AMY2A: variants seen among roughly 807,000 people sequenced by gnomAD.
The protein encoded by AMY2A is pancreatic alpha-amylase.
Under a neutral mutation model 43.0 loss-of-function variants are expected in AMY2A, and 16 were observed. The observed-to-expected ratio is 0.37, with a 90% CI of 0.25 to 0.56. AMY2A has a LOEUF of 0.56. AMY2A is among the 20% of genes least tolerant of loss of function. The pLI is 0.77. For synonymous variants in AMY2A, 70 were observed against 144.6 expected (o/e 0.48, Z 3.70); for missense variants, 212 against 456.8 (o/e 0.46, Z 4.89).
rs1653159670 is a variant in AMY2A at position 103,619,049 on chromosome 1, A to C, written c.454A>C (p.Asn152His). Reference sequence around the variant, plus strand: ...AGTCCCATATTCTGGATGGGATTTCAATGATGGTAAATGTAAAACTGGAAG... The same window carrying C: ...AGTCCCATATTCTGGATGGGATTTCCATGATGGTAAATGTAAAACTGGAAG... Reference protein sequence around the residue: ...PAVPYSGWDFNDGKCKTGSGD... With the variant: ...PAVPYSGWDFHDGKCKTGSGD... Residue 152 changes from asparagine (N) to histidine (H), a missense_variant, in exon 3 of 10, where the codon AAT becomes CAT. Transcript: ENST00000414303. 7.8e-7 allele frequency: 1 copy of C among 1,289,084 alleles called. No homozygotes were observed. The highest frequency in any genetic ancestry group is 1.0e-6 in the Non-Finnish European group (1 of 955,520). 79.9% of individuals were successfully genotyped at this position (1,289,084 alleles called of 1,614,324 possible).
chr1:103,617,993 T>G lies in AMY2A; in HGVS notation c.208T>G (p.Phe70Val). 2 of 1,600,692 alleles carry G rather than the reference T, an allele frequency of 1.2e-6. No individual in the cohort carries two copies. The highest frequency in any genetic ancestry group is 1.7e-6 in the Non-Finnish European group (2 of 1,170,730). ...TGAAAATGTTGCAATTTACAACCCT[T>G]TCAGACCTTGGTGGGAAAGATACCA... is the stretch of plus-strand genomic sequence containing the variant. ...PNENVAIYNP[F>V]RPWWERYQPV... is the part of the protein sequence containing the mutation. Residue 70 changes from phenylalanine (F) to valine (V), a missense_variant, in exon 2 of 10, where the codon TTC becomes GTC. This residue lies in a region of AMY2A where 199 missense variants were observed against 210.6 expected (regional missense o/e 0.94). Transcript: ENST00000414303.
intron 1 of AMY2A, 59 bp from the exon 2 acceptor site, chr1:103,617,895 C>T (rs1484949226): frequency 6.3e-7 from 1 of 1,596,442 alleles, no homozygotes; most frequent in Non-Finnish European, 8.6e-7. Flanking sequence ...GTTTCTAGAA[C>T]ATTCAATGAT....
upstream of AMY2A, chr1:103,617,042 G>A: frequency 3.0e-6 from 3 of 1,012,004 alleles, no homozygotes; most frequent in South Asian, 2.7e-5. Context: ...GAGTTGGAAG[G>A]GGTTCGCATT....
At chr1:103,619,381 GA>G (rs1653170138) in intron 3 of AMY2A, among the ~76,000 whole-genome samples, 172 bp from the exon 4 acceptor site, 1 of 150,280 alleles carries the variant, frequency 6.7e-6, no homozygotes, top group Admixed American at 6.6e-5. Flanking sequence ...TTTTCTATTA[GA>G]AAATATTTCA....
chr1:103,619,192 A>C, intron 3 of AMY2A, 84 bp downstream of exon 3: 1 of 589,998 alleles, frequency 1.7e-6, no homozygotes, highest in Non-Finnish European at 2.9e-6. Context: ...ATTTCATTTA[A>C]AATAGGAATT....
At chr1:103,617,038 G>A, upstream of AMY2A, 1 of 1,018,826 alleles carries the variant, frequency 9.8e-7, no homozygotes, top group Non-Finnish European at 1.2e-6. Flanking sequence ...CCTTGAGTTG[G>A]AAGGGGTTCG....
upstream of AMY2A, chr1:103,617,319 C>T (rs1185657016): frequency 2.0e-6 from 3 of 1,522,636 alleles, no homozygotes; most frequent in Non-Finnish European, 2.7e-6. Context: ...TAATCCTTTT[C>T]AGATTATGAA....
At chr1:103,616,926 T>A, upstream of AMY2A, 3 of 968,048 alleles carry the variant, frequency 3.1e-6, no homozygotes, top group Non-Finnish European at 3.8e-6. Context: ...GACCACTTGT[T>A]TCTGTCCTGT....
At position 103,623,474 on chromosome 1, in the gene AMY2A, T is replaced by G. The variant is rs309658; in HGVS notation, c.1102-392T>G. On this transcript the variant is annotated intron_variant, in intron 7 of 9. Coordinates refer to ENST00000414303, the MANE Select transcript of AMY2A (RefSeq NM_000699.4). ...TGAAAATTTTTTAAAAATTAGCTGG[T>G]TGCGGTGGTGCACACCAACAGTCTT... Among the ~76,000 whole-genome samples, 96 of 79,134 alleles carry G rather than the reference T, an allele frequency of 1.2e-3. 19 individuals are homozygous for G. The East Asian group carries it at 0.017, about 14-fold the overall frequency. 51.9% of individuals were successfully genotyped at this position (79,134 alleles called of 152,430 possible).
intron 2 of AMY2A, among the ~76,000 whole-genome samples, 185 bp from the exon 3 acceptor site, chr1:103,618,726 G>GACCAA (rs1346881088): frequency 5.0e-4 from 75 of 150,696 alleles, no homozygotes; most frequent in African/African-American, 1.7e-3. Flanking sequence ...GTGTCTAGAA[G>GACCAA]GCATGTAGGT....
Position 103,618,924 on chromosome 1 carries a change from T to G in AMY2A, c.329T>G (p.Val110Gly). ...TTTGTTTTCTAGGTTCGTATTTATG[T>G]GGATGCTGTAATTAATCATATGTGT... is the stretch of plus-strand genomic sequence containing the variant. ...RCNNVGVRIY[V>G]DAVINHMCGN... Residue 110 changes from valine (V) to glycine (G), a missense_variant, in exon 3 of 10, where the codon GTG becomes GGG. Physicochemically the swap from Val to Gly is moderately radical, Grantham distance 109. Coordinates refer to ENST00000414303, the MANE Select transcript of AMY2A (RefSeq NM_000699.4). 1 of 1,294,928 alleles carries G rather than the reference T, an allele frequency of 7.7e-7. No individual in the cohort carries two copies. Among genetic ancestry groups the G allele is most frequent in the Non-Finnish European group, 1.1e-6 (1 of 950,652 alleles). The allele number at this position is 1,294,928 out of a possible 1,614,324, so 80.2% of individuals were successfully genotyped here.
chr1:103,617,270 G>C, upstream of AMY2A: 1 of 1,353,840 alleles, frequency 7.4e-7, no homozygotes, highest in Non-Finnish European at 1.0e-6. Context: ...TTCCATGAGA[G>C]ACTTTTTGAT....
upstream of AMY2A, chr1:103,616,762 C>G (rs148784712): frequency 1.3e-5 from 2 of 155,658 alleles, no homozygotes; most frequent in Non-Finnish European, 2.8e-5. Context: ...CTTTACTACA[C>G]GTGGCTTGGT....
chr1:103,618,224 A>T, intron 2 of AMY2A, 124 bp downstream of exon 2: 1 of 1,410,854 alleles, frequency 7.1e-7, no homozygotes. Flanking sequence ...TTCATAATTT[A>T]AAACTCAAAA....
At chr1:103,618,841 C>T (rs1392166986) in intron 2 of AMY2A, 70 bp from the exon 3 acceptor site, 7 of 614,962 alleles carry the variant, frequency 1.1e-5, no homozygotes, top group African/African-American at 1.9e-5. Context: ...ATACTATAAA[C>T]TTGCATCAAT....
intron 1 of AMY2A, 123 bp downstream of exon 1, chr1:103,617,731 A>G (rs1431897726): frequency 1.3e-6 from 2 of 1,560,030 alleles, no homozygotes; most frequent in Admixed American, 3.7e-5. Flanking sequence ...AGTAAAAGAG[A>G]TTTCTGAGGG....
At position 103,617,457 on chromosome 1, in the gene AMY2A, T is replaced by A. The variant is rs1220689229; in HGVS notation, c.17T>A (p.Leu6Ter). MKFFL[L>*]LFTIGFCWAQ... is the part of the protein sequence containing the mutation. ...CAAAGCAAAATGAAGTTCTTTCTGT[T>A]GCTTTTCACCATTGGGTTCTGCTGG... The change falls in exon 1 of 10, where the codon TTG (leucine) becomes TAG (stop). Residue 6 changes from leucine (L) to a stop codon, truncating the protein, a stop_gained. Coordinates refer to ENST00000414303, the MANE Select transcript of AMY2A (RefSeq NM_000699.4). LOFTEE classifies it high-confidence loss of function. 3 of 1,600,210 alleles carry A rather than the reference T, an allele frequency of 1.9e-6. No individual in the cohort carries two copies. The South Asian group carries it at 3.3e-5, about 18-fold the overall frequency.
chr1:103,618,207 A>T, intron 2 of AMY2A, 107 bp downstream of exon 2: 2 of 1,454,640 alleles, frequency 1.4e-6, no homozygotes, highest in Non-Finnish European at 1.8e-6. Flanking sequence ...TATTTTTTTA[A>T]TTTTACTTCA....
chr1:103,618,117 T>C lies in AMY2A; in HGVS notation c.315+17T>C, dbSNP rs759557326. ...AATGTTGGGGTAAGTGAATTCTAGT[T>C]TCCTTTAAAAATAACAGACAGGAAA... On this transcript the variant is annotated intron_variant, in intron 2 of 9. Coordinates refer to ENST00000414303, the MANE Select transcript of AMY2A (RefSeq NM_000699.4). The C allele has an allele frequency of 9.4e-6, 15 of 1,591,242 alleles. No individual in the cohort carries two copies. The East Asian group carries it at 3.4e-4, about 36-fold the overall frequency.
Sources: gnomAD v4.1 joint callset for allele counts (sites outside exome capture counted in the v4.1 genomes callset) on GRCh38, gnomAD v4.1.1 for gene constraint, gnomAD v4.1.1 regional missense constraint, MANE v1.5 for transcripts, NCBI Gene and HGNC (gene_info 2026-07-23, HGNC 2026-07-21) for gene names.